DAZAP1: variants seen among roughly 807,000 people sequenced by gnomAD.
DAZAP1 encodes DAZ-associated protein 1.
DAZAP1 carries 6 observed loss-of-function variants against 60.1 expected under a neutral mutation model. The ratio of observed to expected loss-of-function variants is 0.10; its 90% CI spans 0.05 to 0.20. DAZAP1 has a LOEUF of 0.20. DAZAP1 is among the 10% of genes least tolerant of loss of function. The pLI is 1.00. For synonymous variants in DAZAP1, 235 were observed against 215.9 expected (o/e 1.09, Z -0.78); for missense variants, 366 against 560.4 (o/e 0.65, Z 3.50).
intron 1 of DAZAP1, chr19:1,409,982 G>C (rs1009799644): frequency 1.3e-5 from 2 of 152,426 alleles, no homozygotes; most frequent in African/African-American, 4.8e-5. Context: ...ATGCATGGGT[G>C]CGGGGTCAAC....
At chr19:1,417,375 C>A (rs2083017417) in intron 1 of DAZAP1, 125 bp from the exon 2 acceptor site, 3 of 1,043,140 alleles carry the variant, frequency 2.9e-6, no homozygotes, top group Non-Finnish European at 2.9e-6. Context: ...TATGCCGTCA[C>A]GTGCACAAGG....
In DAZAP1 at chr19:1,422,636, C is replaced by T. The variant is rs115249531; in HGVS notation, c.463+240C>T. ...GCTTGTTCTTTTGAAGTTTTTACGA[C>T]TTGTCATGAGTCTCGGCCTGGCTTC... On this transcript the variant is annotated intron_variant, in intron 6 of 11. Transcript: ENST00000233078. This position sits in a 1 kb window ranked among gnomAD's most constrained non-coding sequence, Gnocchi z 4.5. Among the ~76,000 whole-genome samples, 1 of 152,304 alleles carries T rather than the reference C, an allele frequency of 6.6e-6. No individual in the cohort carries two copies. The highest frequency in any genetic ancestry group is 2.4e-5 in the African/African-American group (1 of 41,564).
rs117417293 is a variant in DAZAP1, at chr19:1,411,262, G to A, written c.29+3460G>A. ...CTGGGCTCTGTCAGCACTCTGGCCT[G>A]GATCACTCTGGGGCACCGTGGGCAC... is the stretch of plus-strand genomic sequence containing the variant. On this transcript the variant is annotated intron_variant, in intron 1 of 11. Coordinates refer to ENST00000233078, the MANE Select transcript of DAZAP1 (RefSeq NM_018959.4). Among the ~76,000 whole-genome samples the A allele has an allele frequency of 1.7e-3, 257 of 152,318 alleles. 3 individuals are homozygous for A. In the East Asian group the frequency reaches 0.032, roughly 19 times the overall value.
rs892836992 is a variant in DAZAP1, at chr19:1,423,809, A to C, written c.463+1413A>C. The stretch of plus-strand genomic sequence containing the variant: ...CCTCCCGGTCCCCCTCCGGCTGCCC[A>C]GAGCTGGCGCCCCTTCTCCTCGCGT... On this transcript the variant is annotated intron_variant, in intron 6 of 11. Coordinates refer to ENST00000233078, the MANE Select transcript of DAZAP1 (RefSeq NM_018959.4). The surrounding 1 kb of genome is among the most constrained non-coding windows in gnomAD (Gnocchi z 6.8). Among the ~76,000 whole-genome samples, 3 of 152,168 alleles carry C rather than the reference A, an allele frequency of 2.0e-5. No homozygotes were observed. The highest frequency in any genetic ancestry group is 1.9e-4 in the East Asian group (1 of 5,152).
Position 1,430,357 on chromosome 19 carries a change from A to G in DAZAP1, c.866A>G (p.Gln289Arg). Reference protein sequence around the residue: ...GFPQGYGAPPQFSFGYGPPPP... With the variant: ...GFPQGYGAPPRFSFGYGPPPP... ...CCTCAGGGCTACGGTGCCCCGCCAC[A>G]GTTCAGTAAGTCTAGGGGGCCTTGT... Residue 289 changes from glutamine (Q) to arginine (R), a missense_variant, in exon 10 of 12, where the codon CAG becomes CGG. Around this residue, in one of 3 missense-constraint regions of DAZAP1, gnomAD observed 240 missense variants for 308.8 expected, o/e 0.78. Transcript: ENST00000233078. 6.8e-7 allele frequency: 1 copy of G among 1,479,800 alleles called. No homozygotes were observed. The highest frequency in any genetic ancestry group is 9.0e-7 in the Non-Finnish European group (1 of 1,116,144). The allele number at this position is 1,479,800 out of a possible 1,614,324, so 91.7% of individuals were successfully genotyped here. A position where few individuals can be genotyped will look rare whatever the true frequency, so the allele number is the denominator to read the frequency against.
chr19:1,415,949 A>G (rs994378019), intron 1 of DAZAP1: 1 of 152,114 alleles, frequency 6.6e-6, no homozygotes, highest in Non-Finnish European at 1.5e-5. Flanking sequence ...TGGTGGGAAC[A>G]TGCTTTGTTT....
rs1214897359 is a variant in DAZAP1 at position 1,428,781 on chromosome 19, T to C, written c.547-61T>C. 3.1e-6 allele frequency: 5 copies of C among 1,603,824 alleles called. No individual in the cohort carries two copies. The highest frequency in any genetic ancestry group is 4.3e-6 in the Non-Finnish European group (5 of 1,174,662). ...GTCATAAGTTACCCGAGGGTGTGTC[T>C]AAAGGGAAGGGGGTGCTGGGACCCG... On this transcript the variant is annotated intron_variant, in intron 7 of 11. Coordinates refer to ENST00000233078, the MANE Select transcript of DAZAP1 (RefSeq NM_018959.4). The surrounding 1 kb of genome is among the most constrained non-coding windows in gnomAD (Gnocchi z 4.0).
At position 1,407,675 on chromosome 19, in the gene DAZAP1, G is replaced by C; in HGVS notation, c.-99G>C. On this transcript the variant is annotated 5_prime_UTR_variant, in exon 1 of 12. Coordinates refer to ENST00000233078, the MANE Select transcript of DAZAP1 (RefSeq NM_018959.4). ...GCCGCCGCCGCCGTTGCGCAGATCCGGGCCGCGGCTGTGGGGAGGGCGACG... is the reference window on the plus strand; with the variant it reads ...GCCGCCGCCGCCGTTGCGCAGATCCCGGCCGCGGCTGTGGGGAGGGCGACG... 7 of 809,836 alleles carry C rather than the reference G, an allele frequency of 8.6e-6. No homozygotes were observed. Among genetic ancestry groups the C allele is most frequent in the Non-Finnish European group, 1.0e-5 (7 of 673,738 alleles). The allele number at this position is 809,836 out of a possible 1,614,324, so 50.2% of individuals were successfully genotyped here. A position where few individuals can be genotyped will look rare whatever the true frequency, so the allele number is the denominator to read the frequency against.
At chr19:1,408,096 CG>C (rs1569024440) in intron 1 of DAZAP1, among the ~76,000 whole-genome samples, 1 of 151,602 alleles carries the variant, frequency 6.6e-6, no homozygotes, top group Non-Finnish European at 1.5e-5. Context: ...ACTTCCTGGT[CG>C]GGGGAACCCC....
At chr19:1,415,353 ATG>A (rs61360796) in intron 1 of DAZAP1, among the ~76,000 whole-genome samples, 3,557 of 109,352 alleles carry the variant, frequency 0.033, 67 homozygotes, top group South Asian at 0.048. Flanking sequence ...TCAGGGTTTT[ATG>A]TGTGTGTGTG....
Position 1,422,286 on chromosome 19 carries a change from C to T in DAZAP1, c.415-62C>T. On this transcript the variant is annotated intron_variant, in intron 5 of 11. Transcript: ENST00000233078. The surrounding 1 kb of genome is among the most constrained non-coding windows in gnomAD (Gnocchi z 4.5). The stretch of plus-strand genomic sequence containing the variant: ...TGGGTTCGTGGGAACAGGCTGTGCC[C>T]TCGGAAGACCACCTGTGGTGCTGGC... The T allele has an allele frequency of 6.6e-7, 1 of 1,517,672 alleles. No individual in the cohort carries two copies. Among genetic ancestry groups the T allele is most frequent in the South Asian group, 1.1e-5 (1 of 89,042 alleles). The allele number at this position is 1,517,672 out of a possible 1,614,324, so 94.0% of individuals were successfully genotyped here.
chr19:1,419,197 C>A (rs2083075443), intron 4 of DAZAP1, among the ~76,000 whole-genome samples: 1 of 152,250 alleles, frequency 6.6e-6, no homozygotes, highest in South Asian at 2.1e-4. Context: ...CGACAGGGCA[C>A]TGTCCTGGCA....
chr19:1,425,628 G>A lies in DAZAP1; in HGVS notation c.464-250G>A, dbSNP rs963704669. ...AGCCCCAGCCCGGGGTGTCTGGGGC[G>A]GAGGCTTGACTCAGGCCTCAGTCAG... On this transcript the variant is annotated intron_variant, in intron 6 of 11. Transcript: ENST00000233078. The surrounding 1 kb of genome is among the most constrained non-coding windows in gnomAD (Gnocchi z 5.4). Among the ~76,000 whole-genome samples, 5 of 152,204 alleles carry A rather than the reference G, an allele frequency of 3.3e-5. No homozygotes were observed. Among genetic ancestry groups the A allele is most frequent in the African/African-American group, 9.7e-5 (4 of 41,432 alleles).
chr19:1,414,001 G>C (rs898370650), intron 1 of DAZAP1, among the ~76,000 whole-genome samples: 6 of 149,072 alleles, frequency 4.0e-5, no homozygotes, highest in Non-Finnish European at 7.4e-5. Flanking sequence ...GTGTGTGTGT[G>C]TGTGTGTGTG....
At position 1,423,641 on chromosome 19, in the gene DAZAP1, G is replaced by C. The variant is rs533415130; in HGVS notation, c.463+1245G>C. 6.6e-6 allele frequency among the ~76,000 whole-genome samples: 1 copy of C among 152,248 alleles called. No individual in the cohort carries two copies. Among genetic ancestry groups the C allele is most frequent in the Non-Finnish European group, 1.5e-5 (1 of 68,040 alleles). ...CTCTTGCACTGTGCCCGGACCAGGC[G>C]AGCCCTGTGGTTTCAGACACTCCTG... On this transcript the variant is annotated intron_variant, in intron 6 of 11. Transcript: ENST00000233078. This position sits in a 1 kb window ranked among gnomAD's most constrained non-coding sequence, Gnocchi z 6.8.
intron 9 of DAZAP1, 29 bp from the exon 10 acceptor site, chr19:1,430,193 G>C: frequency 6.3e-7 from 1 of 1,584,242 alleles, no homozygotes; most frequent in Non-Finnish European, 8.6e-7. Context: ...AGCGCTCTCT[G>C]TCCATCACCC....
chr19:1,409,083 A>G (rs769859799), intron 1 of DAZAP1, among the ~76,000 whole-genome samples: 1 of 152,176 alleles, frequency 6.6e-6, no homozygotes, highest in African/African-American at 2.4e-5. Context: ...CAGACAAAAC[A>G]AAAGAGCACC....
chr19:1,415,615 A>G (rs893177597), intron 1 of DAZAP1: 1 of 151,540 alleles, frequency 6.6e-6, no homozygotes, highest in Non-Finnish European at 1.5e-5. Context: ...GGCACAGCCT[A>G]TGGAGAGTGA....
At chr19:1,427,544 G>A (rs1379574565) in intron 7 of DAZAP1, 2 of 152,286 alleles carry the variant, frequency 1.3e-5, no homozygotes, top group Admixed American at 6.5e-5. Flanking sequence ...CCAGGCGACT[G>A]CATTGCTGCA....
Sources: allele counts gnomAD v4.1 joint callset (sites outside exome capture counted in the v4.1 genomes callset), GRCh38; gene constraint gnomAD v4.1.1; regional missense constraint gnomAD v4.1.1; non-coding constraint Gnocchi (gnomAD v3.1); transcripts MANE v1.5; gene names NCBI Gene and HGNC (gene_info 2026-07-23, HGNC 2026-07-21).